The following SLC28A1 variants were observed in gnomAD, a reference collection of about 807,000 sequenced individuals.
SLC28A1 encodes the protein solute carrier family 28 member 1, also known as sodium/nucleoside cotransporter 1.
SLC28A1 carries 64 observed loss-of-function variants against 74.8 expected under a neutral mutation model. The observed-to-expected ratio is 0.86, with a 90% CI of 0.70 to 1.05. SLC28A1 has a LOEUF of 1.05. Ranked by LOEUF, SLC28A1 falls within the 50% of genes least tolerant of loss-of-function variation. SLC28A1 has a pLI of 0.00. For missense variants in SLC28A1, 828 were observed against 822.8 expected, an observed-to-expected ratio of 1.01 and a Z score of -0.08; for synonymous variants, 359 against 335.0, an observed-to-expected ratio of 1.07 and a Z score of -0.78.
intron 11 of SLC28A1, among the ~76,000 whole-genome samples, chr15:84,923,733 C>T (rs972476892): frequency 2.6e-5 from 4 of 151,904 alleles, no homozygotes; most frequent in South Asian, 2.1e-4. Flanking sequence ...ACGTGCTTAG[C>T]GGGGTGCCTG....
intron 6 of SLC28A1, among the ~76,000 whole-genome samples, chr15:84,900,401 CAAAAAAAAA>C (rs71135319): frequency 6.8e-5 from 4 of 58,950 alleles, no homozygotes; most frequent in Non-Finnish European, 1.3e-4. Context: ...GACACTGTCT[CAAAAAAAAA>C]AAAAAAAAAA....
intron 12 of SLC28A1, among the ~76,000 whole-genome samples, chr15:84,930,574 C>T (rs1384086638): frequency 1.3e-5 from 2 of 151,638 alleles, no homozygotes; most frequent in Non-Finnish European, 2.9e-5. Flanking sequence ...CTGGCACTTC[C>T]CTGAGATGGT....
intron 5 of SLC28A1, 25 bp downstream of exon 5, chr15:84,890,559 C>G: frequency 6.4e-7 from 1 of 1,570,426 alleles, no homozygotes; most frequent in Non-Finnish European, 8.7e-7. Context: ...CAGCACTACC[C>G]AGGACACAAT....
the SLC28A1 span, among the ~76,000 whole-genome samples, chr15:84,965,129 G>A: frequency 0.077 from 11,697 of 152,216 alleles, 547 homozygotes; most frequent in Admixed American, 0.1. Context: ...ATTGGGGGTG[G>A]TTACCCCCAT....
chr15:84,948,751 T>C (rs958763793), downstream of SLC28A1, among the ~76,000 whole-genome samples: 4 of 152,202 alleles, frequency 2.6e-5, no homozygotes, highest in African/African-American at 9.6e-5. Context: ...AGTCACTTTG[T>C]TAACCCCCGA....
At chr15:84,967,011 T>A in the SLC28A1 span, among the ~76,000 whole-genome samples, 2 of 152,064 alleles carry the variant, frequency 1.3e-5, no homozygotes, top group Non-Finnish European at 2.9e-5. Flanking sequence ...GAACTGCTAG[T>A]TTCAAGTGAT....
chr15:84,922,408 A>G (rs1244879833), intron 11 of SLC28A1, among the ~76,000 whole-genome samples: 1 of 152,080 alleles, frequency 6.6e-6, no homozygotes, highest in Non-Finnish European at 1.5e-5. Context: ...CATCTTCCAC[A>G]GGATGGTTCA....
the SLC28A1 span, among the ~76,000 whole-genome samples, chr15:84,969,187 C>T: frequency 6.6e-6 from 1 of 152,212 alleles, no homozygotes; most frequent in African/African-American, 2.4e-5. Context: ...TTCTGATTCC[C>T]TGCTTAACTT....
At chr15:84,925,592 T>A (rs888851851) in intron 12 of SLC28A1, among the ~76,000 whole-genome samples, 3 of 152,070 alleles carry the variant, frequency 2.0e-5, no homozygotes, top group Admixed American at 6.6e-5. Flanking sequence ...AGAGTGAGAC[T>A]GTGTTTCAAA....
chr15:84,887,281 T>C (rs1235035880), intron 2 of SLC28A1: 2 of 814,722 alleles, frequency 2.5e-6, no homozygotes, highest in African/African-American at 3.7e-5. Context: ...ATCAGATACA[T>C]ATGCAGGCTG....
At chr15:84,891,714 G>A (rs1252233428) in intron 5 of SLC28A1, among the ~76,000 whole-genome samples, 1 of 152,190 alleles carries the variant, frequency 6.6e-6, no homozygotes, top group Non-Finnish European at 1.5e-5. Flanking sequence ...GGGTGTAGGT[G>A]CAAAAACTGA....
At chr15:84,920,761 C>T (rs1969730366) in intron 10 of SLC28A1, among the ~76,000 whole-genome samples, 1 of 148,362 alleles carries the variant, frequency 6.7e-6, no homozygotes, top group East Asian at 2.1e-4. Context: ...GCCAGGAAAT[C>T]CTTTCTGCAT....
In SLC28A1 at chr15:84,936,111, G is replaced by A. The variant is rs148445105; in HGVS notation, c.1581+593G>A. Among the ~76,000 whole-genome samples, 376 of 149,960 alleles carry A rather than the reference G, an allele frequency of 2.5e-3. 4 individuals are homozygous for A. In the East Asian group the frequency reaches 0.036, roughly 15 times the overall value. On this transcript the variant is annotated intron_variant, in intron 15 of 18. Coordinates refer to ENST00000394573, the MANE Select transcript of SLC28A1 (RefSeq NM_004213.5). ...GCTGGGACTACAGGCGCCCACCACCGCGCCCGGCTAATTTTTTGTATTTTT... is the reference window on the plus strand; with the variant it reads ...GCTGGGACTACAGGCGCCCACCACCACGCCCGGCTAATTTTTTGTATTTTT...
intron 16 of SLC28A1, 36 bp from the exon 17 acceptor site, chr15:84,944,530 G>A (rs1282142479): frequency 1.4e-6 from 2 of 1,470,672 alleles, no homozygotes; most frequent in Non-Finnish European, 1.9e-6. Context: ...GAGGGACACA[G>A]CTTCCCAGGC....
intron 1 of SLC28A1, chr15:84,886,388 G>A: frequency 7.3e-6 from 7 of 964,526 alleles, no homozygotes; most frequent in African/African-American, 1.8e-5. Flanking sequence ...GGAAGGAGGG[G>A]GAGGGAAATA....
chr15:84,956,278 A>G, the SLC28A1 span, among the ~76,000 whole-genome samples: 1 of 152,170 alleles, frequency 6.6e-6, no homozygotes, highest in African/African-American at 2.4e-5. Context: ...ATGGTAATAT[A>G]CAACTTTCAG....
chr15:84,886,718 G>C lies in SLC28A1; in HGVS notation c.-86G>C, dbSNP rs1447842737. 9.1e-6 allele frequency: 9 copies of C among 985,402 alleles called. No homozygotes were observed. Among genetic ancestry groups the C allele is most frequent in the Non-Finnish European group, 9.6e-6 (8 of 829,978 alleles). 61.0% of individuals were successfully genotyped at this position (985,402 alleles called of 1,614,324 possible). A position where few individuals can be genotyped will look rare whatever the true frequency, so the allele number is the denominator to read the frequency against. ...GGCAAGCCAGAGCCAAAGCAGGTTG[G>C]ACCCAGCTTGTCCCCACAGAGACGT... On this transcript the variant is annotated 5_prime_UTR_variant, in exon 2 of 19. Transcript: ENST00000394573.
In SLC28A1 at chr15:84,908,740, C is replaced by A. The variant is rs1476826994; in HGVS notation, c.740C>A (p.Ala247Asp). The change falls in exon 9 of 19, where the codon GCT (alanine) becomes GAT (aspartate). Residue 247 changes from alanine to aspartate, a missense_variant. This residue lies in a region of SLC28A1 where 767 missense variants were observed against 753.5 expected (regional missense o/e 1.02). Coordinates refer to ENST00000394573, the MANE Select transcript of SLC28A1 (RefSeq NM_004213.5). The stretch of plus-strand genomic sequence containing the variant: ...CAGATCTTCCTGAGCTACACGAAGG[C>A]TGGCTCCAGCTTCGTGTTTGGGGAG... ...QIRIFLSYTK[A>D]GSSFVFGEAL... 6.2e-7 allele frequency: 1 copy of A among 1,613,796 alleles called. No homozygotes were observed. The highest frequency in any genetic ancestry group is 8.5e-7 in the Non-Finnish European group (1 of 1,179,958).
intron 8 of SLC28A1, 104 bp downstream of exon 8, chr15:84,905,756 C>G: frequency 1.1e-6 from 1 of 895,732 alleles, no homozygotes; most frequent in East Asian, 2.6e-5. Context: ...ATAGAGAAGG[C>G]TTGGGACCTG....
Sources: allele counts gnomAD v4.1 joint callset (sites outside exome capture counted in the v4.1 genomes callset), GRCh38; gene constraint gnomAD v4.1.1; regional missense constraint gnomAD v4.1.1; transcripts MANE v1.5; gene names NCBI Gene and HGNC (gene_info 2026-07-23, HGNC 2026-07-21).